The following SPINT2 variants were observed in gnomAD, a reference collection of about 807,000 sequenced individuals.
SPINT2 encodes the protein kunitz-type protease inhibitor 2.
In SPINT2, 18 loss-of-function variants were observed where a neutral mutation model predicts 30.1. The ratio of observed to expected loss-of-function variants is 0.60; its 90% CI spans 0.41 to 0.89. The LOEUF is 0.89. Ranked by LOEUF, SPINT2 falls within the 40% of genes least tolerant of loss-of-function variation. The pLI is 0.00. For missense variants in SPINT2, 276 were observed against 334.3 expected (o/e 0.83, Z 1.36); for synonymous variants, 139 against 137.9 (o/e 1.01, Z -0.05).
At position 38,292,235 on chromosome 19, in the gene SPINT2, C is replaced by T. The variant is rs1175616220; in HGVS notation, c.*229C>T. On this transcript the variant is annotated 3_prime_UTR_variant, in exon 7 of 7. Coordinates refer to ENST00000301244, the MANE Select transcript of SPINT2 (RefSeq NM_021102.4). ...TGGCAGCAGCCCCGAGTTGTTTCCT[C>T]GCTGATCGATTTCTTTCCTCCAGGT... is the stretch of plus-strand genomic sequence containing the variant. 1 of 532,248 alleles carries T rather than the reference C, an allele frequency of 1.9e-6. No homozygotes were observed. Among genetic ancestry groups the T allele is most frequent in the Non-Finnish European group, 3.3e-6 (1 of 298,736 alleles). 33.0% of individuals were successfully genotyped at this position (532,248 alleles called of 1,614,324 possible). A position where few individuals can be genotyped will look rare whatever the true frequency, so the allele number is the denominator to read the frequency against.
rs77136820 is a variant in SPINT2, at chr19:38,271,776, G to T, written c.106+6778G>T. On this transcript the variant is annotated intron_variant, in intron 1 of 6. Coordinates refer to ENST00000301244, the MANE Select transcript of SPINT2 (RefSeq NM_021102.4). ...GGAGGTTGCAGTGAGCCGAGATCAC[G>T]CCACTGCAGTCCAGCCTGGGAGACA... is the stretch of plus-strand genomic sequence containing the variant. Among the ~76,000 whole-genome samples, 75 of 151,340 alleles carry T rather than the reference G, an allele frequency of 5.0e-4. No homozygotes were observed. The East Asian group carries it at 9.0e-3, about 18-fold the overall frequency.
At chr19:38,283,539 T>C (rs1968604614) in intron 1 of SPINT2, 88 bp from the exon 2 acceptor site, 1 of 1,547,494 alleles carries the variant, frequency 6.5e-7, no homozygotes, top group Non-Finnish European at 8.9e-7. Flanking sequence ...GCTCTGGTTC[T>C]CCTGGGGGAT....
At chr19:38,270,687 A>G (rs1204377979) in intron 1 of SPINT2, among the ~76,000 whole-genome samples, 1 of 152,082 alleles carries the variant, frequency 6.6e-6, no homozygotes, top group Non-Finnish European at 1.5e-5. Flanking sequence ...AGTATTTGAG[A>G]GCTCAGCCTG....
chr19:38,277,307 G>A (rs993127650), intron 1 of SPINT2, among the ~76,000 whole-genome samples: 10 of 151,938 alleles, frequency 6.6e-5, no homozygotes, highest in Non-Finnish European at 8.8e-5. Context: ...GTGCAGTGGC[G>A]CAATCTCAGC....
In SPINT2 at chr19:38,290,830, G is replaced by A; in HGVS notation, c.592+255G>A. On this transcript the variant is annotated intron_variant, in intron 6 of 6. Coordinates refer to ENST00000301244, the MANE Select transcript of SPINT2 (RefSeq NM_021102.4). This position sits in a 1 kb window ranked among gnomAD's most constrained non-coding sequence, Gnocchi z 4.3. ...GGGTGACTGGGGATGAGGTCTTCCT[G>A]TTGAGCATTTGAGGACTGCTGCACA... 2 of 592,848 alleles carry A rather than the reference G, an allele frequency of 3.4e-6. No individual in the cohort carries two copies. The highest frequency in any genetic ancestry group is 6.1e-6 in the Non-Finnish European group (2 of 327,952). 36.7% of individuals were successfully genotyped at this position (592,848 alleles called of 1,614,324 possible). A position where few individuals can be genotyped will look rare whatever the true frequency, so the allele number is the denominator to read the frequency against.
At position 38,264,611 on chromosome 19, in the gene SPINT2, A is replaced by G. The variant is rs551533617; in HGVS notation, c.-282A>G. ...GCGACCTCCGCGCGTTGGGAGGTGT[A>G]GCGCGGCTCTGAACGCGCTGAGGGC... On this transcript the variant is annotated 5_prime_UTR_variant, in exon 1 of 7. Transcript: ENST00000301244. 6.0e-5 allele frequency: 25 copies of G among 416,758 alleles called. 2 individuals are homozygous for G. In the South Asian group the frequency reaches 7.0e-4, roughly 12 times the overall value. The allele number at this position is 416,758 out of a possible 1,614,324, so 25.8% of individuals were successfully genotyped here. A position where few individuals can be genotyped will look rare whatever the true frequency, so the allele number is the denominator to read the frequency against.
At chr19:38,272,512 G>T (rs1968469209) in intron 1 of SPINT2, among the ~76,000 whole-genome samples, 1 of 152,174 alleles carries the variant, frequency 6.6e-6, no homozygotes, top group African/African-American at 2.4e-5. Context: ...TTTGCACAAG[G>T]TAAAGAATGG....
chr19:38,292,104 C>A lies in SPINT2; in HGVS notation c.*98C>A. 2 of 1,504,386 alleles carry A rather than the reference C, an allele frequency of 1.3e-6. No homozygotes were observed. Among genetic ancestry groups the A allele is most frequent in the Non-Finnish European group, 1.8e-6 (2 of 1,111,312 alleles). 93.2% of individuals were successfully genotyped at this position (1,504,386 alleles called of 1,614,324 possible). The stretch of plus-strand genomic sequence containing the variant: ...ACTCGGATTTGAGTGATCATTAGGG[C>A]TGAGGTCTGTTTCTCTGGGAGGTAG... On this transcript the variant is annotated 3_prime_UTR_variant, in exon 7 of 7. Coordinates refer to ENST00000301244, the MANE Select transcript of SPINT2 (RefSeq NM_021102.4).
Position 38,269,810 on chromosome 19 carries a change from C to T in SPINT2, c.106+4812C>T, listed in dbSNP as rs893602863. 1.3e-4 allele frequency among the ~76,000 whole-genome samples: 20 copies of T among 152,162 alleles called. 1 individual carries two copies. The highest frequency in any genetic ancestry group is 2.5e-4 in the Non-Finnish European group (17 of 67,974). On this transcript the variant is annotated intron_variant, in intron 1 of 6. Coordinates refer to ENST00000301244, the MANE Select transcript of SPINT2 (RefSeq NM_021102.4). ...ATTTTTAGTAGAGACGGGGTTTCAC[C>T]GTGTTAGCCAGGATGGTCTTGATCT...
At chr19:38,284,638 C>T (rs1405665523) in intron 2 of SPINT2, among the ~76,000 whole-genome samples, 2 of 152,216 alleles carry the variant, frequency 1.3e-5, no homozygotes, top group East Asian at 1.9e-4. Flanking sequence ...TCCCACTTTA[C>T]TAAGTGCAAG....
intron 2 of SPINT2, among the ~76,000 whole-genome samples, chr19:38,286,306 C>T (rs577380978): frequency 1.3e-5 from 2 of 152,258 alleles, no homozygotes; most frequent in African/African-American, 2.4e-5. Context: ...GCCTTTAGTC[C>T]GCATAGGCAA....
At chr19:38,287,479 A>G (rs1968656315) in intron 2 of SPINT2, among the ~76,000 whole-genome samples, 1 of 151,934 alleles carries the variant, frequency 6.6e-6, no homozygotes, top group South Asian at 2.1e-4. Flanking sequence ...TTACAGGCGT[A>G]AGCCACCGCA....
Position 38,290,281 on chromosome 19 carries a change from G to A in SPINT2, c.553+1G>A. 4.3e-6 allele frequency: 7 copies of A among 1,611,466 alleles called. No homozygotes were observed. Among genetic ancestry groups the A allele is most frequent in the Non-Finnish European group, 5.9e-6 (7 of 1,179,694 alleles). On this transcript the variant is annotated splice_donor_variant, in intron 5 of 6. Transcript: ENST00000301244. LOFTEE classifies it high-confidence loss of function. This position sits in a 1 kb window ranked among gnomAD's most constrained non-coding sequence, Gnocchi z 4.3. ...GAGGCCTGCATGCTCCGCTGCTTCC[G>A]TAAGTCTGCAGCCCCTCAGCCCAGG...
intron 1 of SPINT2, chr19:38,265,716 C>T (rs1968370208): frequency 6.6e-6 from 1 of 152,314 alleles, no homozygotes; most frequent in Non-Finnish European, 1.5e-5. Context: ...GTTGTTATAA[C>T]CTTAACTGCT....
rs755902676 is a variant in SPINT2, at chr19:38,264,859, G to C, written c.-34G>C. ...CCTGATCGCGAGACCCCAACGGCTG[G>C]TGGCGTCGCCTGCGCGTCTCGGCTG... is the stretch of plus-strand genomic sequence containing the variant. On this transcript the variant is annotated 5_prime_UTR_variant, in exon 1 of 7. Coordinates refer to ENST00000301244, the MANE Select transcript of SPINT2 (RefSeq NM_021102.4). 7.8e-6 allele frequency: 12 copies of C among 1,529,550 alleles called. No homozygotes were observed. Among genetic ancestry groups the C allele is most frequent in the Non-Finnish European group, 4.4e-6 (5 of 1,143,054 alleles). The allele number at this position is 1,529,550 out of a possible 1,614,324, so 94.7% of individuals were successfully genotyped here.
intron 4 of SPINT2, chr19:38,289,856 A>G: frequency 1.9e-6 from 1 of 533,288 alleles, no homozygotes; most frequent in Non-Finnish European, 3.4e-6. Flanking sequence ...GATAGGTCTC[A>G]TAGAGACTCA....
intron 2 of SPINT2, among the ~76,000 whole-genome samples, chr19:38,286,035 C>T (rs1455080343): frequency 6.6e-6 from 1 of 152,198 alleles, no homozygotes; most frequent in East Asian, 1.9e-4. Flanking sequence ...CCCTAGAGTC[C>T]GGCCCCGCCT....
rs750600553 is a variant in SPINT2, at chr19:38,290,617, C to T, written c.592+42C>T. Reference sequence around the variant, plus strand: ...CCTCCTCCTGCCATCAGCCTGCCTCCTCCCTTCCTTGACTGAGCTCAGCCC... The same window carrying T: ...CCTCCTCCTGCCATCAGCCTGCCTCTTCCCTTCCTTGACTGAGCTCAGCCC... On this transcript the variant is annotated intron_variant, in intron 6 of 6. Transcript: ENST00000301244. This position sits in a 1 kb window ranked among gnomAD's most constrained non-coding sequence, Gnocchi z 4.3. 3 of 1,608,056 alleles carry T rather than the reference C, an allele frequency of 1.9e-6. No homozygotes were observed. The highest frequency in any genetic ancestry group is 1.6e-4 in the Middle Eastern group (1 of 6,084).
At chr19:38,268,274 G>GA (rs1460479582) in intron 1 of SPINT2, among the ~76,000 whole-genome samples, 1 of 152,154 alleles carries the variant, frequency 6.6e-6, no homozygotes, top group African/African-American at 2.4e-5. Context: ...TCTGCAGACA[G>GA]AGGTGGGGGG....
Sources: gnomAD v4.1 joint callset for allele counts (sites outside exome capture counted in the v4.1 genomes callset) on GRCh38, gnomAD v4.1.1 for gene constraint, Gnocchi (gnomAD v3.1) non-coding constraint, MANE v1.5 for transcripts, NCBI Gene and HGNC (gene_info 2026-07-23, HGNC 2026-07-21) for gene names.